The following KCNN3 variants were observed in gnomAD, a reference collection of about 807,000 sequenced individuals.
KCNN3 encodes the protein small conductance calcium-activated potassium channel protein 3.
KCNN3 carries 16 observed loss-of-function variants against 62.9 expected under a neutral mutation model. That is an observed-to-expected ratio of 0.25 (90% CI 0.17 to 0.39). The LOEUF is 0.39. Ranked by LOEUF, KCNN3 falls within the 10% of genes least tolerant of loss-of-function variation. The pLI is 1.00. For synonymous variants in KCNN3, 370 were observed against 389.2 expected (o/e 0.95, Z 0.58); for missense variants, 599 against 949.4 (o/e 0.63, Z 4.85).
At chr1:154,814,750 A>G (rs1439584862) in intron 2 of KCNN3, among the ~76,000 whole-genome samples, 1 of 152,176 alleles carries the variant, frequency 6.6e-6, no homozygotes, top group Non-Finnish European at 1.5e-5. Flanking sequence ...GATTTATTCC[A>G]TGGTGTTCTG....
At chr1:154,762,510 A>G (rs1648063977) in intron 3 of KCNN3, among the ~76,000 whole-genome samples, 1 of 151,888 alleles carries the variant, frequency 6.6e-6, no homozygotes, top group Non-Finnish European at 1.5e-5. Flanking sequence ...CACTGGGGAG[A>G]TAAGTTCTTC....
intron 2 of KCNN3, among the ~76,000 whole-genome samples, chr1:154,817,828 A>G (rs1350641665): frequency 6.6e-6 from 1 of 152,186 alleles, no homozygotes; most frequent in East Asian, 1.9e-4. Context: ...CTGCACCTAG[A>G]AGAACATTAT....
intron 3 of KCNN3, among the ~76,000 whole-genome samples, chr1:154,765,735 C>T (rs1431343995): frequency 7.9e-5 from 12 of 151,832 alleles, no homozygotes; most frequent in Non-Finnish European, 1.2e-4. Flanking sequence ...TTAGGTGATC[C>T]CCCCACCTCA....
chr1:154,742,812 T>C (rs575626491), intron 3 of KCNN3, among the ~76,000 whole-genome samples: 1 of 152,232 alleles, frequency 6.6e-6, no homozygotes, highest in Admixed American at 6.5e-5. Context: ...CAGATAGAGG[T>C]ATGTCACAGC....
At chr1:154,726,106 G>A (rs755779554) in intron 4 of KCNN3, 80 bp from the exon 5 acceptor site, 48 of 1,029,884 alleles carry the variant, frequency 4.7e-5, no homozygotes, top group Middle Eastern at 2.0e-4. Flanking sequence ...CACGCCTGGC[G>A]GCCACGGGGG....
rs1653120862 is a variant in KCNN3, at chr1:154,869,992, C to T, written c.-28G>A. On this transcript the variant is annotated 5_prime_UTR_variant, in exon 1 of 8. Coordinates refer to ENST00000271915, the MANE Select transcript of KCNN3 (RefSeq NM_002249.6). This position sits in a 1 kb window ranked among gnomAD's most constrained non-coding sequence, Gnocchi z 6.1. The stretch of plus-strand genomic sequence containing the variant: ...TGGGGCCTGGCTGTATTCCCTGCAG[C>T]ACAAGCCCCCACCCCAAAGCCACCC... 6.2e-7 allele frequency: 1 copy of T among 1,604,130 alleles called. No homozygotes were observed. The highest frequency in any genetic ancestry group is 8.5e-7 in the Non-Finnish European group (1 of 1,174,886).
intron 1 of KCNN3, among the ~76,000 whole-genome samples, chr1:154,855,678 A>C (rs1030938797): frequency 3.9e-5 from 6 of 152,222 alleles, no homozygotes; most frequent in Non-Finnish European, 7.3e-5. Flanking sequence ...CACATTTCTT[A>C]GACTGCGTCC....
At chr1:154,738,621 C>T (rs762346770) in intron 3 of KCNN3, among the ~76,000 whole-genome samples, 3 of 152,188 alleles carry the variant, frequency 2.0e-5, no homozygotes, top group Non-Finnish European at 4.4e-5. Flanking sequence ...GTGCGGAGGA[C>T]AACCCGTCCG....
At chr1:154,777,615 C>A (rs1391539346) in intron 2 of KCNN3, among the ~76,000 whole-genome samples, 1 of 152,186 alleles carries the variant, frequency 6.6e-6, no homozygotes, top group East Asian at 1.9e-4. Flanking sequence ...AGTCTGGAAC[C>A]AGGATCTTGA....
chr1:154,720,864 T>C (rs1571210015), intron 5 of KCNN3, among the ~76,000 whole-genome samples: 1 of 151,938 alleles, frequency 6.6e-6, no homozygotes, highest in Non-Finnish European at 1.5e-5. Context: ...GCCGAGGCCC[T>C]GGAGAGGCGG....
intron 1 of KCNN3, among the ~76,000 whole-genome samples, chr1:154,825,876 A>G (rs1311824532): frequency 2.6e-5 from 4 of 151,328 alleles, no homozygotes; most frequent in Non-Finnish European, 5.9e-5. Context: ...GTGAAACCTC[A>G]TCTCTACTAA....
chr1:154,805,443 C>T (rs1273829613), intron 2 of KCNN3, among the ~76,000 whole-genome samples: 1 of 152,166 alleles, frequency 6.6e-6, no homozygotes, highest in Admixed American at 6.5e-5. Context: ...TTAAAGCTCC[C>T]AGGGCAATTA....
chr1:154,807,342 C>A (rs184769304), intron 2 of KCNN3, among the ~76,000 whole-genome samples: 1 of 152,208 alleles, frequency 6.6e-6, no homozygotes, highest in Non-Finnish European at 1.5e-5. Flanking sequence ...CCCTCTACAG[C>A]GCCAGCTGCT....
chr1:154,721,552 C>T (rs1462960407), intron 5 of KCNN3, among the ~76,000 whole-genome samples: 4 of 152,096 alleles, frequency 2.6e-5, no homozygotes, highest in Non-Finnish European at 5.9e-5. Flanking sequence ...CCGCCCACGT[C>T]GGCCTCGCAA....
At chr1:154,783,666 T>A (rs1228072766) in intron 2 of KCNN3, among the ~76,000 whole-genome samples, 1 of 151,856 alleles carries the variant, frequency 6.6e-6, no homozygotes, top group African/African-American at 2.4e-5. Flanking sequence ...ACAGGAACAC[T>A]GGAGATGGGG....
rs1302512240 is a variant in KCNN3 at position 154,714,884 on chromosome 1, A to G, written c.1821T>C (p.Ala607=). The change falls in exon 6 of 8, where the codon GCT becomes GCC. Residue 607 remains alanine, a synonymous_variant. Transcript: ENST00000271915. Reference sequence around the variant, plus strand: ...CGCTCTGGCATACTCACTGGTGGATAGCTTGGAGGAACTTCCTCTGGTGTT... The same window carrying G: ...CGCTCTGGCATACTCACTGGTGGATGGCTTGGAGGAACTTCCTCTGGTGTT... ...VRKHQRKFLQ[A]IHQLRSVKME... is the part of the protein sequence containing the mutation. 7 of 1,613,484 alleles carry G rather than the reference A, an allele frequency of 4.3e-6. No individual in the cohort carries two copies. The highest frequency in any genetic ancestry group is 5.9e-6 in the Non-Finnish European group (7 of 1,179,628).
intron 1 of KCNN3, chr1:154,868,303 G>T (rs1653029894): frequency 1.0e-6 from 1 of 985,988 alleles, no homozygotes. Context: ...GCAGCAGCAG[G>T]TTTATTCTGA....
chr1:154,752,300 C>T (rs1419587205), intron 3 of KCNN3, among the ~76,000 whole-genome samples: 1 of 152,216 alleles, frequency 6.6e-6, no homozygotes, highest in Non-Finnish European at 1.5e-5. Flanking sequence ...CGAAGATCTA[C>T]ACTGCCATTA....
At chr1:154,822,421 G>A (rs12029542) in intron 1 of KCNN3, among the ~76,000 whole-genome samples, 31,839 of 152,178 alleles carry the variant, frequency 0.21, 3,535 homozygotes, top group African/African-American at 0.25. Flanking sequence ...GGGCTAAGTC[G>A]TATTTGCATT....
Sources: allele counts gnomAD v4.1 joint callset (sites outside exome capture counted in the v4.1 genomes callset), GRCh38; gene constraint gnomAD v4.1.1; non-coding constraint Gnocchi (gnomAD v3.1); transcripts MANE v1.5; gene names NCBI Gene and HGNC (gene_info 2026-07-23, HGNC 2026-07-21).